PBX3: variants seen among roughly 807,000 people sequenced by gnomAD.
PBX3 encodes PBX homeobox 3.
A neutral mutation model predicts 48.5 loss-of-function variants in PBX3; 14 were observed. The observed-to-expected ratio is 0.29, with a 90% CI of 0.19 to 0.45. PBX3 has a LOEUF of 0.45. PBX3 is among the 20% of genes least tolerant of loss of function. The pLI, the probability that PBX3 is intolerant of heterozygous loss-of-function variation, is 1.00. For missense variants in PBX3, 386 were observed against 546.7 expected (o/e 0.71, Z 2.93); for synonymous variants, 210 against 200.3 (o/e 1.05, Z -0.41).
intron 2 of PBX3, among the ~76,000 whole-genome samples, chr9:125,880,009 A>G (rs1168558269): frequency 6.6e-6 from 1 of 152,200 alleles, no homozygotes; most frequent in Non-Finnish European, 1.5e-5. Flanking sequence ...AAAAATGTAA[A>G]TAGTAATAAT....
intron 2 of PBX3, among the ~76,000 whole-genome samples, chr9:125,792,060 ACG>A (rs1564657223): frequency 2.0e-5 from 3 of 151,906 alleles, no homozygotes; most frequent in South Asian, 2.1e-4. Flanking sequence ...GCACGCACGC[ACG>A]CACGCACGCA....
Position 125,928,763 on chromosome 9 carries a change from C to T in PBX3, c.517-892C>T, listed in dbSNP as rs187945229. Among the ~76,000 whole-genome samples the T allele has an allele frequency of 3.4e-3, 520 of 152,276 alleles. 2 individuals carry two copies. Among genetic ancestry groups the T allele is most frequent in the Non-Finnish European group, 5.4e-3 (368 of 68,018 alleles). Reference sequence around the variant, plus strand: ...TACAGGCGTGAGCCACCGCGCCCGGCCTGAGGATTGTTAACTAAAAAGTTT... The same window carrying T: ...TACAGGCGTGAGCCACCGCGCCCGGTCTGAGGATTGTTAACTAAAAAGTTT... On this transcript the variant is annotated intron_variant, in intron 3 of 8. Coordinates refer to ENST00000373489, the MANE Select transcript of PBX3 (RefSeq NM_006195.6).
intron 5 of PBX3, among the ~76,000 whole-genome samples, chr9:125,941,563 G>A (rs1444962277): frequency 6.6e-6 from 1 of 152,186 alleles, no homozygotes; most frequent in Non-Finnish European, 1.5e-5. Flanking sequence ...AAATTGTGAA[G>A]GTACAGGGTT....
At chr9:125,876,731 G>A (rs142679021) in intron 2 of PBX3, among the ~76,000 whole-genome samples, 5 of 151,420 alleles carry the variant, frequency 3.3e-5, no homozygotes, top group South Asian at 2.1e-4. Context: ...TAACCCCTGC[G>A]TTAAGGGTCA....
intron 2 of PBX3, among the ~76,000 whole-genome samples, chr9:125,911,086 A>C (rs776834218): frequency 7.2e-5 from 11 of 152,048 alleles, no homozygotes; most frequent in Admixed American, 2.0e-4. Flanking sequence ...TAGTTTAGAC[A>C]GTGATGCCTT....
intron 2 of PBX3, among the ~76,000 whole-genome samples, chr9:125,831,700 A>C (rs1001130161): frequency 2.0e-5 from 3 of 151,938 alleles, no homozygotes; most frequent in African/African-American, 7.3e-5. Flanking sequence ...GGCTTTTTGT[A>C]TATGTAGTGT....
intron 5 of PBX3, among the ~76,000 whole-genome samples, chr9:125,943,726 G>A (rs1374266145): frequency 1.3e-5 from 2 of 152,172 alleles, no homozygotes; most frequent in African/African-American, 4.8e-5. Context: ...AAAATGACTT[G>A]CTCAAGGTCA....
intron 2 of PBX3, among the ~76,000 whole-genome samples, chr9:125,776,450 G>T (rs1837072589): frequency 6.6e-6 from 1 of 152,158 alleles, no homozygotes; most frequent in South Asian, 2.1e-4. Flanking sequence ...ATAGGAGTTT[G>T]TTGAGGATTT....
At chr9:125,763,880 TG>T (rs1465692584) in intron 2 of PBX3, among the ~76,000 whole-genome samples, 10 of 152,208 alleles carry the variant, frequency 6.6e-5, no homozygotes, top group Non-Finnish European at 1.3e-4. Flanking sequence ...ATAAATATTA[TG>T]ATAAGCATAG....
At chr9:125,772,757 CATTT>C (rs149229497) in intron 2 of PBX3, among the ~76,000 whole-genome samples, 3,045 of 152,256 alleles carry the variant, frequency 0.02, 167 homozygotes, top group East Asian at 0.17. Context: ...CTTATCTATT[CATTT>C]ATCTCTTCGA....
intron 2 of PBX3, among the ~76,000 whole-genome samples, chr9:125,892,232 A>G (rs935971278): frequency 2.2e-4 from 34 of 152,230 alleles, no homozygotes; most frequent in Admixed American, 1.9e-3. Flanking sequence ...CTCAATCAGC[A>G]TTTTAATTGG....
chr9:125,781,562 A>T (rs1588141154), intron 2 of PBX3, among the ~76,000 whole-genome samples: 1 of 56,536 alleles, frequency 1.8e-5, no homozygotes, highest in African/African-American at 6.8e-5. Context: ...GAGAGGGGAG[A>T]GGCGAGAGGG....
At position 125,857,768 on chromosome 9, in the gene PBX3, ATTAC is replaced by A. The variant is rs372632955; in HGVS notation, c.275-57914_275-57911del. On this transcript the variant is annotated intron_variant, in intron 2 of 8. Transcript: ENST00000373489. ...AGTAAAATAATAAAGCCTATTTTCA[ATTAC>A]TTAGGAAGAATTTTGGATCTTTCTG... Among the ~76,000 whole-genome samples the A allele has an allele frequency of 1.3e-4, 20 of 152,332 alleles. 1 individual carries two copies. The highest frequency in any genetic ancestry group is 3.6e-4 in the African/African-American group (15 of 41,584).
intron 3 of PBX3, among the ~76,000 whole-genome samples, chr9:125,917,037 A>C (rs911989491): frequency 6.6e-6 from 1 of 152,044 alleles, no homozygotes; most frequent in African/African-American, 2.4e-5. Context: ...ACATTTTGCC[A>C]CTCTTATTTT....
chr9:125,890,444 G>A (rs749145484), intron 2 of PBX3, among the ~76,000 whole-genome samples: 4 of 152,160 alleles, frequency 2.6e-5, no homozygotes, highest in Non-Finnish European at 4.4e-5. Flanking sequence ...TACCTACTAT[G>A]TCCTAGGTGA....
chr9:125,964,537 T>C (rs73667813), intron 8 of PBX3, among the ~76,000 whole-genome samples: 4,166 of 151,886 alleles, frequency 0.027, 227 homozygotes, highest in African/African-American at 0.094. Context: ...AAATACTGTT[T>C]CCTTTTGTTT....
chr9:125,889,027 A>G (rs181470509), intron 2 of PBX3, among the ~76,000 whole-genome samples: 2 of 152,338 alleles, frequency 1.3e-5, no homozygotes, highest in Admixed American at 6.5e-5. Context: ...ATTCTCACCC[A>G]CAGCAGGTTA....
At chr9:125,963,148 C>A in intron 8 of PBX3, 47 bp downstream of exon 8, 1 of 1,028,660 alleles carries the variant, frequency 9.7e-7, no homozygotes. Flanking sequence ...GTCAGGTAAA[C>A]AGTGACTAAT....
chr9:125,810,184 T>C (rs556880038), intron 2 of PBX3, among the ~76,000 whole-genome samples: 2 of 152,318 alleles, frequency 1.3e-5, no homozygotes, highest in African/African-American at 4.8e-5. Context: ...CCCTCCCTAC[T>C]CTTTTATAAA....
Sources: gnomAD v4.1 joint callset for allele counts (sites outside exome capture counted in the v4.1 genomes callset) on GRCh38, gnomAD v4.1.1 for gene constraint, MANE v1.5 for transcripts, NCBI Gene and HGNC (gene_info 2026-07-23, HGNC 2026-07-21) for gene names.